The following FKBP5 variants were observed in gnomAD, a reference collection of about 807,000 sequenced individuals.
The protein encoded by FKBP5 is peptidyl-prolyl cis-trans isomerase FKBP5.
A neutral mutation model predicts 50.5 loss-of-function variants in FKBP5; 23 were observed. The observed-to-expected ratio is 0.46, with a 90% CI of 0.33 to 0.65. The LOEUF (loss-of-function observed/expected upper bound fraction) is 0.65, where lower values mean the gene tolerates loss of function less well. Ranked by LOEUF, FKBP5 falls within the 30% of genes least tolerant of loss-of-function variation. The pLI, the probability that FKBP5 is intolerant of heterozygous loss-of-function variation, is 0.02. For synonymous variants in FKBP5, 176 were observed against 190.6 expected (o/e 0.92, Z 0.63); for missense variants, 411 against 553.1 (o/e 0.74, Z 2.58).
At chr6:35,616,605 T>C (rs1763669128) in intron 5 of FKBP5, among the ~76,000 whole-genome samples, 2 of 152,068 alleles carry the variant, frequency 1.3e-5, no homozygotes, top group South Asian at 4.1e-4. Flanking sequence ...TAAAAAAAAA[T>C]TGACTCCCAT....
upstream of FKBP5, among the ~76,000 whole-genome samples, chr6:35,691,044 T>A (rs1425090357): frequency 6.6e-6 from 1 of 151,760 alleles, no homozygotes; most frequent in Non-Finnish European, 1.5e-5. Flanking sequence ...TAAAATAAAA[T>A]AAAAATAACA....
In FKBP5 at chr6:35,583,436, C is replaced by T. The variant is rs577997356; in HGVS notation, c.841-3215G>A. 4 of 985,414 alleles carry T rather than the reference C, an allele frequency of 4.1e-6. No homozygotes were observed. In the East Asian group the frequency reaches 4.5e-4, roughly 112 times the overall value. The allele number at this position is 985,414 out of a possible 1,614,324, so 61.0% of individuals were successfully genotyped here. A position where few individuals can be genotyped will look rare whatever the true frequency, so the allele number is the denominator to read the frequency against. ...GTATTAGACTTCTTAATAGTTCCTTCACATAGGGCATTTTAATTTTTTGAA... is the reference window on the plus strand; with the variant it reads ...GTATTAGACTTCTTAATAGTTCCTTTACATAGGGCATTTTAATTTTTTGAA... On this transcript the variant is annotated intron_variant, in intron 8 of 10. Coordinates refer to ENST00000357266, the MANE Select transcript of FKBP5 (RefSeq NM_004117.4).
intron 1 of FKBP5, among the ~76,000 whole-genome samples, chr6:35,675,592 C>T (rs890257312): frequency 1.3e-5 from 2 of 152,134 alleles, no homozygotes; most frequent in Non-Finnish European, 1.5e-5. Flanking sequence ...CTATACCATA[C>T]TCTTAATCCC....
intron 3 of FKBP5, among the ~76,000 whole-genome samples, chr6:35,631,305 GT>G (rs1379697829): frequency 6.6e-6 from 1 of 152,170 alleles, no homozygotes; most frequent in East Asian, 1.9e-4. Flanking sequence ...AAGTCATTAT[GT>G]TAAGTGAAAG....
intron 1 of FKBP5, among the ~76,000 whole-genome samples, chr6:35,678,776 A>C (rs1765590991): frequency 6.6e-6 from 1 of 152,196 alleles, no homozygotes; most frequent in Admixed American, 6.5e-5. Context: ...CTCTGTGAGA[A>C]TTTAACAGTT....
chr6:35,643,182 T>C (rs1338415407), intron 1 of FKBP5, among the ~76,000 whole-genome samples: 3 of 152,150 alleles, frequency 2.0e-5, no homozygotes, highest in Non-Finnish European at 4.4e-5. Context: ...GCCATATTCT[T>C]GACAGAGGAT....
intron 1 of FKBP5, among the ~76,000 whole-genome samples, chr6:35,726,172 C>T (rs533331825): frequency 2.1e-4 from 32 of 152,338 alleles, no homozygotes; most frequent in African/African-American, 7.7e-4. Context: ...GTACAGATGA[C>T]GGTGAGGAAG....
At chr6:35,589,110 T>TATATATATA (rs1561846500) in intron 7 of FKBP5, among the ~76,000 whole-genome samples, 15 of 102,956 alleles carry the variant, frequency 1.5e-4, no homozygotes, top group African/African-American at 5.9e-4. Flanking sequence ...ATATATATTT[T>TATATATATA]TATATATATA....
chr6:35,599,058 T>C (rs180698196), intron 5 of FKBP5, among the ~76,000 whole-genome samples: 3 of 152,290 alleles, frequency 2.0e-5, no homozygotes, highest in Non-Finnish European at 1.5e-5. Context: ...TAGCCTATAT[T>C]CAAATCTAGA....
intron 2 of FKBP5, among the ~76,000 whole-genome samples, chr6:35,698,278 G>T (rs1260950974): frequency 6.6e-6 from 1 of 152,142 alleles, no homozygotes; most frequent in East Asian, 1.9e-4. Flanking sequence ...GGAGGTGAAG[G>T]TTGCAGGGAG....
chr6:35,713,732 C>A (rs1195707221), intron 2 of FKBP5, among the ~76,000 whole-genome samples: 1 of 152,162 alleles, frequency 6.6e-6, no homozygotes, highest in African/African-American at 2.4e-5. Flanking sequence ...TAAAAAGCAG[C>A]CACTTGTCCA....
Position 35,660,403 on chromosome 6 carries a change from G to A in FKBP5, c.-19-17560C>T, listed in dbSNP as rs983424699. On this transcript the variant is annotated intron_variant, in intron 1 of 10. Transcript: ENST00000357266. ...CCTGCCTCAGCCTCCTGAGTAGCTG[G>A]GATTATAGGCATGCACCACCACGCC... Among the ~76,000 whole-genome samples the A allele has an allele frequency of 2.6e-5, 2 of 78,214 alleles. 1 individual carries two copies. The highest frequency in any genetic ancestry group is 5.7e-5 in the Non-Finnish European group (2 of 34,882). The allele number at this position is 78,214 out of a possible 152,430, so 51.3% of individuals were successfully genotyped here. A position where few individuals can be genotyped will look rare whatever the true frequency, so the allele number is the denominator to read the frequency against.
At chr6:35,648,418 G>C (rs1472035353) in intron 1 of FKBP5, among the ~76,000 whole-genome samples, 1 of 151,676 alleles carries the variant, frequency 6.6e-6, no homozygotes, top group Non-Finnish European at 1.5e-5. Flanking sequence ...ATAGACATGT[G>C]CCACCACACC....
intron 3 of FKBP5, among the ~76,000 whole-genome samples, chr6:35,631,326 C>T (rs1261453929): frequency 6.6e-6 from 1 of 152,052 alleles, no homozygotes; most frequent in Non-Finnish European, 1.5e-5. Context: ...GAAGTCAACA[C>T]CAAAGATAAT....
chr6:35,579,669 A>G (rs1225240757), intron 9 of FKBP5, among the ~76,000 whole-genome samples: 3 of 152,222 alleles, frequency 2.0e-5, no homozygotes, highest in African/African-American at 4.8e-5. Context: ...GCAGTCTGTT[A>G]AAGTCCAGAA....
chr6:35,599,181 A>T (rs1763073690), intron 5 of FKBP5, among the ~76,000 whole-genome samples: 1 of 152,166 alleles, frequency 6.6e-6, no homozygotes, highest in African/African-American at 2.4e-5. Context: ...CATGCCCAAT[A>T]AAACAACTAT....
chr6:35,611,585 A>G (rs759534016), intron 5 of FKBP5, among the ~76,000 whole-genome samples: 14 of 152,232 alleles, frequency 9.2e-5, no homozygotes, highest in Non-Finnish European at 1.8e-4. Flanking sequence ...GCTGAAAAGT[A>G]GCAATGTAGC....
chr6:35,690,649 A>T (rs1293039945), upstream of FKBP5, among the ~76,000 whole-genome samples: 1 of 152,170 alleles, frequency 6.6e-6, no homozygotes, highest in African/African-American at 2.4e-5. Context: ...GCAGAAAAAC[A>T]AAGTTGATCA....
rs139397914 is a variant in FKBP5, at chr6:35,680,185, C to T, written c.-20+8619G>A. Among the ~76,000 whole-genome samples the T allele has an allele frequency of 3.2e-3, 485 of 151,912 alleles. 1 individual carries two copies. Among genetic ancestry groups the T allele is most frequent in the African/African-American group, 0.01 (422 of 41,462 alleles). ...GTGGCTTATACCTGCAGTCCTAACACTTTGGGAGGCCAAGGTGGGAGGATC... is the reference window on the plus strand; with the variant it reads ...GTGGCTTATACCTGCAGTCCTAACATTTTGGGAGGCCAAGGTGGGAGGATC... On this transcript the variant is annotated intron_variant, in intron 1 of 10. Coordinates refer to ENST00000357266, the MANE Select transcript of FKBP5 (RefSeq NM_004117.4).
Sources: gnomAD v4.1 joint callset for allele counts (sites outside exome capture counted in the v4.1 genomes callset) on GRCh38, gnomAD v4.1.1 for gene constraint, MANE v1.5 for transcripts, NCBI Gene and HGNC (gene_info 2026-07-23, HGNC 2026-07-21) for gene names.